Variants in RBFOX1 observed in about 807,000 individuals in gnomAD.
The protein encoded by RBFOX1 is RNA binding protein fox-1 homolog 1.
Under a neutral mutation model 57.7 loss-of-function variants are expected in RBFOX1, and 8 were observed. That is an observed-to-expected ratio of 0.14 (90% CI 0.08 to 0.25). The LOEUF (loss-of-function observed/expected upper bound fraction) is 0.25, where lower values mean the gene tolerates loss of function less well. Ranked by LOEUF, RBFOX1 falls within the 10% of genes least tolerant of loss-of-function variation. RBFOX1 has a pLI of 1.00. For synonymous variants in RBFOX1, 326 were observed against 222.4 expected (o/e 1.47, Z -4.15); for missense variants, 611 against 548.5 (o/e 1.11, Z -1.14).
At chr16:7,004,956 C>G (rs550959091) in intron 3 of RBFOX1, among the ~76,000 whole-genome samples, 2 of 152,094 alleles carry the variant, frequency 1.3e-5, no homozygotes, top group Non-Finnish European at 2.9e-5. Context: ...CCAGCTTGGC[C>G]AACATGGTGA....
At chr16:7,400,174 T>C (rs1325860002) in intron 4 of RBFOX1, among the ~76,000 whole-genome samples, 13 of 152,176 alleles carry the variant, frequency 8.5e-5, no homozygotes, top group Non-Finnish European at 2.9e-5. Flanking sequence ...ACAATTATGC[T>C]AGAAGTTCTC....
At chr16:5,337,686 A>C (rs1318117386) in intron 1 of RBFOX1, among the ~76,000 whole-genome samples, 2 of 152,246 alleles carry the variant, frequency 1.3e-5, no homozygotes, top group African/African-American at 4.8e-5. Context: ...TAAATCTGGA[A>C]GAGGTGAATC....
At chr16:7,397,406 G>T (rs2098159905) in intron 4 of RBFOX1, among the ~76,000 whole-genome samples, 2 of 152,160 alleles carry the variant, frequency 1.3e-5, no homozygotes, top group Admixed American at 1.3e-4. Context: ...GGAGCACCAG[G>T]TCTCCAGTTG....
chr16:6,465,262 G>A (rs919831691), intron 2 of RBFOX1, among the ~76,000 whole-genome samples: 16 of 152,108 alleles, frequency 1.1e-4, no homozygotes, highest in African/African-American at 3.4e-4. Context: ...GTGAGGTTTT[G>A]TTGTTGTTAT....
intron 1 of RBFOX1, among the ~76,000 whole-genome samples, chr16:6,308,754 T>G (rs980118394): frequency 2.6e-5 from 4 of 152,280 alleles, no homozygotes; most frequent in Admixed American, 6.5e-5. Context: ...TATCAGGAGT[T>G]GTGGAATAAG....
intron 1 of RBFOX1, among the ~76,000 whole-genome samples, chr16:6,168,687 C>A (rs946623910): frequency 2.6e-5 from 4 of 152,160 alleles, no homozygotes; most frequent in African/African-American, 9.7e-5. Flanking sequence ...ACCTCTGCCA[C>A]TCCTGGGGGA....
intron 14 of RBFOX1, among the ~76,000 whole-genome samples, chr16:7,679,005 C>T (rs1180373719): frequency 6.6e-6 from 1 of 152,146 alleles, no homozygotes; most frequent in Non-Finnish European, 1.5e-5. Flanking sequence ...ATTTGGTCTT[C>T]TTGGTTGCTG....
Position 5,622,382 on chromosome 16 carries a change from G to A in RBFOX1, c.318+23421G>A, listed in dbSNP as rs561180285. On this transcript the variant is annotated intron_variant, in intron 3 of 19. Coordinates refer to the RBFOX1 transcript ENST00000641259. The stretch of plus-strand genomic sequence containing the variant: ...TCCACCAGAATGTAGGTTCCATGGG[G>A]TAAGGAGTCTTGTGCACTGCCCTCT... Among the ~76,000 whole-genome samples, 11 of 152,338 alleles carry A rather than the reference G, an allele frequency of 7.2e-5. No homozygotes were observed. In the South Asian group the frequency reaches 2.3e-3, roughly 32 times the overall value.
intron 4 of RBFOX1, among the ~76,000 whole-genome samples, chr16:5,917,511 A>G (rs2058732986): frequency 6.6e-6 from 1 of 152,190 alleles, no homozygotes; most frequent in Admixed American, 6.5e-5. Flanking sequence ...GTCAAAGAAG[A>G]CGGGAATTCC....
intron 1 of RBFOX1, among the ~76,000 whole-genome samples, chr16:6,036,511 C>G (rs993764190): frequency 3.3e-5 from 5 of 151,960 alleles, no homozygotes; most frequent in Admixed American, 2.6e-4. Context: ...ATACCTATCA[C>G]TTAGATAGTT....
rs547271745 is a variant in RBFOX1 at position 6,154,350 on chromosome 16, A to C, written c.-127+134358A>C. ...GATAATGGTATAAGCAAGGTTATGA[A>C]TAAGTATTTTCTATGTTGATAATTC... is the stretch of plus-strand genomic sequence containing the variant. On this transcript the variant is annotated intron_variant, in intron 1 of 15. Transcript: ENST00000550418. 1.1e-4 allele frequency among the ~76,000 whole-genome samples: 16 copies of C among 152,366 alleles called. No individual in the cohort carries two copies. The South Asian group carries it at 3.1e-3, about 30-fold the overall frequency.
chr16:7,473,379 C>G (rs954012753), intron 4 of RBFOX1, among the ~76,000 whole-genome samples: 7 of 147,886 alleles, frequency 4.7e-5, no homozygotes, highest in African/African-American at 7.4e-5. Flanking sequence ...CTTGGTCTCT[C>G]ATATATACAT....
At chr16:7,097,011 A>G (rs941359323) in intron 4 of RBFOX1, among the ~76,000 whole-genome samples, 1 of 152,094 alleles carries the variant, frequency 6.6e-6, no homozygotes, top group Non-Finnish European at 1.5e-5. Flanking sequence ...GTTACCAGAA[A>G]GCGAAATGAA....
At chr16:5,441,332 C>G (rs1434860481) in intron 1 of RBFOX1, among the ~76,000 whole-genome samples, 4 of 150,558 alleles carry the variant, frequency 2.7e-5, no homozygotes, top group South Asian at 2.1e-4. Context: ...AAAGACATAC[C>G]TGAGACTGGT....
intron 2 of RBFOX1, among the ~76,000 whole-genome samples, chr16:6,408,129 G>C (rs1205199617): frequency 1.3e-5 from 2 of 152,070 alleles, no homozygotes; most frequent in Non-Finnish European, 2.9e-5. Context: ...CTTGATCTTG[G>C]ACTTCCCTGC....
At chr16:7,200,979 G>A (rs573492347) in intron 4 of RBFOX1, among the ~76,000 whole-genome samples, 1 of 152,182 alleles carries the variant, frequency 6.6e-6, no homozygotes, top group African/African-American at 2.4e-5. Flanking sequence ...GTATGGGAGA[G>A]AAAAATTAAT....
At chr16:6,052,561 G>A (rs958183166) in intron 1 of RBFOX1, among the ~76,000 whole-genome samples, 1 of 151,746 alleles carries the variant, frequency 6.6e-6, no homozygotes, top group African/African-American at 2.4e-5. Flanking sequence ...GAGGCGGGCG[G>A]ATCACGAGGT....
At chr16:7,483,406 G>A (rs1350388726) in intron 4 of RBFOX1, among the ~76,000 whole-genome samples, 2 of 152,190 alleles carry the variant, frequency 1.3e-5, no homozygotes, top group Admixed American at 6.5e-5. Flanking sequence ...CCTTACTTGT[G>A]AAAGATGGTA....
intron 3 of RBFOX1, among the ~76,000 whole-genome samples, chr16:5,781,689 G>C (rs988987638): frequency 1.3e-5 from 2 of 152,208 alleles, no homozygotes; most frequent in African/African-American, 4.8e-5. Flanking sequence ...AAGAACTGGT[G>C]GCAGGCTAGA....
Sources: allele counts gnomAD v4.1 joint callset (sites outside exome capture counted in the v4.1 genomes callset), GRCh38; gene constraint gnomAD v4.1.1; transcripts MANE v1.5; gene names NCBI Gene and HGNC (gene_info 2026-07-23, HGNC 2026-07-21).